Variants in OR2A14 observed in about 807,000 individuals in gnomAD.
OR2A14 encodes olfactory receptor 2A14.
A neutral mutation model predicts 2.4 loss-of-function variants in OR2A14; 2 were observed. The observed-to-expected ratio is 0.85, with a 90% CI of 0.35 to 2.67. The LOEUF (loss-of-function observed/expected upper bound fraction) is 2.67, where lower values mean the gene tolerates loss of function less well. Among genes scored for constraint, OR2A14 ranks in the 30% most tolerant of loss-of-function variants. The probability of loss-of-function intolerance (pLI) is 0.10; values close to 1 mark genes in which losing one functional copy is unlikely to be tolerated. For synonymous variants in OR2A14, 160 were observed against 156.3 expected, an observed-to-expected ratio of 1.02 and a Z score of -0.18; for missense variants, 390 against 379.4, an observed-to-expected ratio of 1.03 and a Z score of -0.23.
intron 1 of OR2A14, among the ~76,000 whole-genome samples, chr7:144,128,098 C>T (rs2051496060): frequency 6.6e-6 from 1 of 152,128 alleles, no homozygotes; most frequent in Non-Finnish European, 1.5e-5. Context: ...ACCCCAGTTG[C>T]CATAGCTGGG....
intron 1 of OR2A14, among the ~76,000 whole-genome samples, chr7:144,128,669 G>T (rs963963185): frequency 2.6e-5 from 4 of 152,182 alleles, no homozygotes; most frequent in African/African-American, 9.6e-5. Flanking sequence ...AGACTGAGAA[G>T]GAAGCAGGAT....
chr7:144,126,525 A>T (rs2051484072), intron 1 of OR2A14, among the ~76,000 whole-genome samples: 1 of 152,058 alleles, frequency 6.6e-6, no homozygotes, highest in Non-Finnish European at 1.5e-5. Context: ...GGTTCCACTC[A>T]CCTGTCTCCT....
intron 1 of OR2A14, among the ~76,000 whole-genome samples, chr7:144,124,031 A>C (rs999788208): frequency 4.7e-5 from 6 of 127,502 alleles, no homozygotes; most frequent in Non-Finnish European, 8.2e-5. Context: ...ATGAGACAGA[A>C]TTTATTACCC....
At position 144,129,141 on chromosome 7, in the gene OR2A14, A is replaced by G; in HGVS notation, c.29A>G (p.Asp10Gly). MEGNKTWIT[D>G]ITLPRFQVGP... is the part of the protein sequence containing the mutation. ...GAAGGCAACAAGACATGGATCACAG[A>G]CATCACCTTGCCGCGATTCCAGGTT... is the stretch of plus-strand genomic sequence containing the variant. The change falls in exon 2 of 2, where the codon GAC becomes GGC. Residue 10 changes from aspartate (D) to glycine (G), a missense_variant. Coordinates refer to ENST00000641068, the MANE Select transcript of OR2A14 (RefSeq NM_001001659.3). 1 of 1,612,072 alleles carries G rather than the reference A, an allele frequency of 6.2e-7. No individual in the cohort carries two copies. Among genetic ancestry groups the G allele is most frequent in the Non-Finnish European group, 8.5e-7 (1 of 1,179,880 alleles).
chr7:144,129,449 A>G lies in OR2A14; in HGVS notation c.337A>G (p.Ile113Val). Residue 113 changes from isoleucine to valine, a missense_variant, in exon 2 of 2, where the codon ATT becomes GTT. Physicochemically the swap from Ile to Val is conservative, Grantham distance 29. Coordinates refer to ENST00000641068, the MANE Select transcript of OR2A14 (RefSeq NM_001001659.3). ...GGCTTTTGCTCACGTAGAGTGTCTGATTTTGGTGGTGATGTCCTATGATCG... is the reference window on the plus strand; with the variant it reads ...GGCTTTTGCTCACGTAGAGTGTCTGGTTTTGGTGGTGATGTCCTATGATCG... ...YLAFAHVECL[I>V]LVVMSYDRYA... 1 of 1,614,054 alleles carries G rather than the reference A, an allele frequency of 6.2e-7. No individual in the cohort carries two copies.
intron 1 of OR2A14, among the ~76,000 whole-genome samples, chr7:144,125,687 T>C (rs1370363498): frequency 6.6e-6 from 1 of 152,210 alleles, no homozygotes; most frequent in Non-Finnish European, 1.5e-5. Context: ...GTAGTTCACG[T>C]CTGATTAAAT....
At chr7:144,125,784 C>T (rs1751038854) in intron 1 of OR2A14, among the ~76,000 whole-genome samples, 1 of 152,062 alleles carries the variant, frequency 6.6e-6, no homozygotes, top group South Asian at 2.1e-4. Flanking sequence ...GGTTTTTTTC[C>T]CCGAAATTCC....
rs1407609142 is a variant in OR2A14 at position 144,131,147 on chromosome 7, A to G, written c.*1102A>G. On this transcript the variant is annotated 3_prime_UTR_variant, in exon 2 of 2. Coordinates refer to ENST00000641068, the MANE Select transcript of OR2A14 (RefSeq NM_001001659.3). ...CCTTTGACACTTTCTAAAATATGCCATGACTCAATAGCCAGTGGACTGTAA... is the reference window on the plus strand; with the variant it reads ...CCTTTGACACTTTCTAAAATATGCCGTGACTCAATAGCCAGTGGACTGTAA... 1 of 152,228 alleles carries G rather than the reference A, an allele frequency of 6.6e-6. No individual in the cohort carries two copies. The highest frequency in any genetic ancestry group is 6.5e-5 in the Admixed American group (1 of 15,286). The allele number at this position is 152,228 out of a possible 1,614,324, so 9.4% of individuals were successfully genotyped here.
chr7:144,129,917 C>T lies in OR2A14; in HGVS notation c.805C>T (p.Gln269Ter). The change falls in exon 2 of 2, where the codon CAG becomes TAG. Residue 269 changes from glutamine to a stop codon, truncating the protein, a stop_gained. Transcript: ENST00000641068. LOFTEE classifies it high-confidence loss of function. ...MAPKSRHPEEQQKVLSLFYSL... is the reference protein window; with the variant it reads ...MAPKSRHPEE ...CCCCAAGTCCCGCCATCCTGAGGAGCAGCAGAAAGTTCTTTCCCTGTTTTA... is the reference window on the plus strand; with the variant it reads ...CCCCAAGTCCCGCCATCCTGAGGAGTAGCAGAAAGTTCTTTCCCTGTTTTA... 6.2e-7 allele frequency: 1 copy of T among 1,614,202 alleles called. No homozygotes were observed. Among genetic ancestry groups the T allele is most frequent in the East Asian group, 2.2e-5 (1 of 44,876 alleles).
intron 1 of OR2A14, among the ~76,000 whole-genome samples, chr7:144,125,479 T>C (rs970864630): frequency 1.3e-5 from 2 of 152,198 alleles, no homozygotes; most frequent in African/African-American, 4.8e-5. Flanking sequence ...AAATCCAAAA[T>C]ACAAAAGGAT....
chr7:144,130,044 G>C lies in OR2A14; in HGVS notation c.932G>C (p.Ter311SerextTer43). 2 of 1,608,064 alleles carry C rather than the reference G, an allele frequency of 1.2e-6. No homozygotes were observed. Among genetic ancestry groups the C allele is most frequent in the South Asian group, 2.2e-5 (2 of 90,732 alleles). ...GCACTGAGGAAGGAGAGGCTGACGTGAGACATCTCAAAGGGAACCATGGGG... is the reference window on the plus strand; with the variant it reads ...GCACTGAGGAAGGAGAGGCTGACGTCAGACATCTCAAAGGGAACCATGGGG... ...RRALRKERLT[*>S] The change falls in exon 2 of 2, where the codon TGA becomes TCA. Residue 311 changes from the stop codon to serine, a stop_lost. Transcript: ENST00000641068.
chr7:144,127,806 C>A (rs962587723), intron 1 of OR2A14, among the ~76,000 whole-genome samples: 1 of 152,170 alleles, frequency 6.6e-6, no homozygotes, highest in East Asian at 1.9e-4. Flanking sequence ...AGATAGTCCT[C>A]AGGCTGTTTC....
At chr7:144,124,053 T>C (rs1289501287) in intron 1 of OR2A14, among the ~76,000 whole-genome samples, 1 of 152,142 alleles carries the variant, frequency 6.6e-6, no homozygotes, top group African/African-American at 2.4e-5. Context: ...ATTTTGTAGA[T>C]TGGGAAACTG....
intron 1 of OR2A14, among the ~76,000 whole-genome samples, chr7:144,127,977 C>T (rs1216891137): frequency 1.3e-5 from 2 of 152,152 alleles, no homozygotes; most frequent in African/African-American, 2.4e-5. Flanking sequence ...CCAGCTGGGG[C>T]TGCACCTGAT....
At chr7:144,127,473 G>A (rs2051489844) in intron 1 of OR2A14, among the ~76,000 whole-genome samples, 1 of 152,086 alleles carries the variant, frequency 6.6e-6, no homozygotes, top group Non-Finnish European at 1.5e-5. Flanking sequence ...AAATAATTAT[G>A]AATATAGGCA....
At position 144,129,709 on chromosome 7, in the gene OR2A14, T is replaced by C. The variant is rs377105742; in HGVS notation, c.597T>C (p.Phe199=). Residue 199 remains phenylalanine (F), a synonymous_variant, in exon 2 of 2, where the codon TTT becomes TTC. Transcript: ENST00000641068. ...CCTGGCTCAACCAGGTGGTCATCTT[T>C]GCAGCCTGCGTGTTCATCCTGGTGG... is the stretch of plus-strand genomic sequence containing the variant. ...ADTWLNQVVI[F]AACVFILVGP... 6.2e-7 allele frequency: 1 copy of C among 1,614,056 alleles called. No homozygotes were observed. The highest frequency in any genetic ancestry group is 1.3e-5 in the African/African-American group (1 of 74,938).
rs1048496290 is a variant in OR2A14, at chr7:144,129,799, T to G, written c.687T>G (p.Ser229=). 3.6e-5 allele frequency: 58 copies of G among 1,613,986 alleles called. No individual in the cohort carries two copies. Among genetic ancestry groups the G allele is most frequent in the Non-Finnish European group, 4.6e-5 (54 of 1,180,046 alleles). Residue 229 remains serine (S), a synonymous_variant, in exon 2 of 2, where the codon TCT becomes TCG. Transcript: ENST00000641068. ...RILAAILRIQ[S]GEGRRKAFST... ...TGGCCGCCATCTTGAGGATCCAGTCTGGGGAGGGCCGCAGAAAGGCCTTCT... is the reference window on the plus strand; with the variant it reads ...TGGCCGCCATCTTGAGGATCCAGTCGGGGGAGGGCCGCAGAAAGGCCTTCT...
In OR2A14 at chr7:144,129,937, G is replaced by T. The variant is rs1196536735; in HGVS notation, c.825G>T (p.Leu275=). 1 of 1,614,058 alleles carries T rather than the reference G, an allele frequency of 6.2e-7. No homozygotes were observed. The highest frequency in any genetic ancestry group is 1.3e-5 in the African/African-American group (1 of 74,934). ...HPEEQQKVLS[L]FYSLFNPMLN... is the part of the protein sequence containing the mutation. ...AGGAGCAGCAGAAAGTTCTTTCCCT[G>T]TTTTACAGCCTTTTCAATCCAATGC... is the stretch of plus-strand genomic sequence containing the variant. Residue 275 remains leucine (L), a synonymous_variant, in exon 2 of 2, where the codon CTG becomes CTT. Transcript: ENST00000641068.
At chr7:144,127,143 T>C (rs1017803598) in intron 1 of OR2A14, among the ~76,000 whole-genome samples, 1 of 152,234 alleles carries the variant, frequency 6.6e-6, no homozygotes, top group East Asian at 1.9e-4. Context: ...CCTTTCAGAA[T>C]GTGTTTACAT....
Sources: allele counts gnomAD v4.1 joint callset (sites outside exome capture counted in the v4.1 genomes callset), GRCh38; gene constraint gnomAD v4.1.1; transcripts MANE v1.5; gene names NCBI Gene and HGNC (gene_info 2026-07-23, HGNC 2026-07-21).